The following KCTD16 variants were observed in gnomAD, a reference collection of about 807,000 sequenced individuals.
KCTD16 encodes the protein potassium channel tetramerization domain containing 16, also known as BTB/POZ domain-containing protein KCTD16.
In KCTD16, 13 loss-of-function variants were observed where a neutral mutation model predicts 33.2. The observed-to-expected ratio is 0.39, with a 90% CI of 0.25 to 0.62. KCTD16 has a LOEUF of 0.62. Among genes scored for constraint, KCTD16 ranks in the 20% least tolerant of loss-of-function variants. The probability of loss-of-function intolerance (pLI) is 0.50; values close to 1 mark genes in which losing one functional copy is unlikely to be tolerated. For missense variants in KCTD16, 441 were observed against 525.1 expected, an observed-to-expected ratio of 0.84 and a Z score of 1.57; for synonymous variants, 197 against 195.3, an observed-to-expected ratio of 1.01 and a Z score of -0.07.
chr5:144,323,320 G>A (rs1049432298), intron 3 of KCTD16, among the ~76,000 whole-genome samples: 1 of 152,116 alleles, frequency 6.6e-6, no homozygotes, highest in Non-Finnish European at 1.5e-5. Context: ...TACCATGTAA[G>A]TCTGGGTTCT....
intron 3 of KCTD16, among the ~76,000 whole-genome samples, chr5:144,348,073 C>G (rs1255307983): frequency 6.6e-6 from 1 of 152,134 alleles, no homozygotes; most frequent in Non-Finnish European, 1.5e-5. Flanking sequence ...AACTTACTTC[C>G]ACTCTTTGAC....
At chr5:144,385,566 A>G (rs770184076) in intron 3 of KCTD16, among the ~76,000 whole-genome samples, 2 of 152,174 alleles carry the variant, frequency 1.3e-5, no homozygotes, top group Non-Finnish European at 2.9e-5. Flanking sequence ...CTCCATTACT[A>G]TAGGACAATT....
intron 3 of KCTD16, among the ~76,000 whole-genome samples, chr5:144,296,264 C>G (rs140540574): frequency 9.8e-5 from 15 of 152,312 alleles, no homozygotes; most frequent in African/African-American, 3.6e-4. Flanking sequence ...GCAATAGCAT[C>G]TGCTGCAGTG....
intron 3 of KCTD16, among the ~76,000 whole-genome samples, chr5:144,438,296 G>T (rs184652599): frequency 7.2e-5 from 11 of 152,242 alleles, no homozygotes; most frequent in African/African-American, 2.4e-4. Flanking sequence ...TATTCAATCT[G>T]CTTTTAAAGG....
At chr5:144,407,028 G>C (rs1194333472) in intron 3 of KCTD16, among the ~76,000 whole-genome samples, 1 of 152,072 alleles carries the variant, frequency 6.6e-6, no homozygotes, top group Admixed American at 6.6e-5. Context: ...GGGATGAGAG[G>C]AACAAACAAG....
chr5:144,347,452 A>G (rs1263799299), intron 3 of KCTD16, among the ~76,000 whole-genome samples: 1 of 152,148 alleles, frequency 6.6e-6, no homozygotes, highest in Non-Finnish European at 1.5e-5. Context: ...AAAATTAGCC[A>G]GATGTGGTGG....
chr5:144,332,588 A>G (rs1752386864), intron 3 of KCTD16, among the ~76,000 whole-genome samples: 1 of 152,212 alleles, frequency 6.6e-6, no homozygotes, highest in Non-Finnish European at 1.5e-5. Flanking sequence ...ACACTGGCTG[A>G]CAAGACCCTG....
chr5:144,205,235 C>G (rs1753134467), intron 2 of KCTD16: 1 of 276,826 alleles, frequency 3.6e-6, no homozygotes, highest in Non-Finnish European at 6.7e-6. Flanking sequence ...GCGTGCCCAC[C>G]GCCGGAGCGC....
At chr5:144,250,742 G>T (rs961808217) in intron 3 of KCTD16, among the ~76,000 whole-genome samples, 1 of 152,100 alleles carries the variant, frequency 6.6e-6, no homozygotes, top group African/African-American at 2.4e-5. Context: ...ATTTAACCTT[G>T]CTAAGCCTTT....
intron 3 of KCTD16, among the ~76,000 whole-genome samples, chr5:144,467,042 A>AATAT (rs1034690383): frequency 1.7e-5 from 1 of 59,938 alleles, no homozygotes; most frequent in South Asian, 4.9e-4. Flanking sequence ...TATTATATAT[A>AATAT]ATATATATAA....
intron 3 of KCTD16, among the ~76,000 whole-genome samples, chr5:144,301,216 G>A (rs111496666): frequency 0.056 from 8,200 of 146,612 alleles, 788 homozygotes; most frequent in African/African-American, 0.19. Flanking sequence ...ACTCAAACCT[G>A]GGTGACAGAG....
Position 144,303,602 on chromosome 5 carries a change from A to C in KCTD16, c.832+96056A>C, listed in dbSNP as rs192162391. Among the ~76,000 whole-genome samples the C allele has an allele frequency of 3.8e-3, 578 of 152,270 alleles. 3 individuals carry two copies. Among genetic ancestry groups the C allele is most frequent in the Middle Eastern group, 0.014 (4 of 294 alleles). On this transcript the variant is annotated intron_variant, in intron 3 of 3. Transcript: ENST00000512467. The stretch of plus-strand genomic sequence containing the variant: ...CCTGCACCTGTTTAGTTGTTATCAG[A>C]AATATCATTTAAAACATCTAAAACT...
intron 3 of KCTD16, among the ~76,000 whole-genome samples, chr5:144,420,319 G>T (rs1753180568): frequency 1.3e-5 from 2 of 151,990 alleles, no homozygotes; most frequent in Admixed American, 1.3e-4. Flanking sequence ...GGCAGATTAT[G>T]GTGATATTTA....
chr5:144,405,603 A>G (rs1327576504), intron 3 of KCTD16, among the ~76,000 whole-genome samples: 2 of 152,184 alleles, frequency 1.3e-5, no homozygotes, highest in Non-Finnish European at 2.9e-5. Context: ...TTATCCTGCT[A>G]AGGTGAGGAC....
At chr5:144,231,108 T>C (rs577574806) in intron 3 of KCTD16, among the ~76,000 whole-genome samples, 21 of 152,184 alleles carry the variant, frequency 1.4e-4, no homozygotes, top group African/African-American at 5.1e-4. Context: ...CACAGAACAT[T>C]CTCCTTAGTT....
intron 3 of KCTD16, among the ~76,000 whole-genome samples, chr5:144,411,919 A>T (rs1264606111): frequency 6.6e-6 from 1 of 152,192 alleles, no homozygotes; most frequent in African/African-American, 2.4e-5. Flanking sequence ...AGGTATATAT[A>T]AAAAAATTGC....
intron 3 of KCTD16, among the ~76,000 whole-genome samples, chr5:144,222,422 A>G (rs1753786591): frequency 6.6e-6 from 1 of 152,244 alleles, no homozygotes; most frequent in Non-Finnish European, 1.5e-5. Flanking sequence ...CCTGGAGCAG[A>G]TAAATGAGGA....
chr5:144,267,740 T>C (rs1048823361), intron 3 of KCTD16, among the ~76,000 whole-genome samples: 2 of 152,198 alleles, frequency 1.3e-5, no homozygotes, highest in Admixed American at 1.3e-4. Context: ...ATTCTTTCCC[T>C]GCAAGTCACA....
At chr5:144,338,520 A>G (rs1168166425) in intron 3 of KCTD16, among the ~76,000 whole-genome samples, 5 of 152,186 alleles carry the variant, frequency 3.3e-5, no homozygotes, top group Admixed American at 6.5e-5. Flanking sequence ...TTGTATTAAA[A>G]GGAGGGCAGG....
Sources: gnomAD v4.1 joint callset for allele counts (sites outside exome capture counted in the v4.1 genomes callset) on GRCh38, gnomAD v4.1.1 for gene constraint, MANE v1.5 for transcripts, NCBI Gene and HGNC (gene_info 2026-07-23, HGNC 2026-07-21) for gene names.